The following CNTNAP2 variants were observed in gnomAD, a reference collection of about 807,000 sequenced individuals.
CNTNAP2 encodes contactin-associated protein-like 2.
A neutral mutation model predicts 155.2 loss-of-function variants in CNTNAP2; 98 were observed. The ratio of observed to expected loss-of-function variants is 0.63; its 90% CI spans 0.54 to 0.75. The LOEUF (loss-of-function observed/expected upper bound fraction) is 0.75, where lower values mean the gene tolerates loss of function less well. CNTNAP2 is among the 30% of genes least tolerant of loss of function. The probability of loss-of-function intolerance (pLI) is 0.00; values close to 1 mark genes in which losing one functional copy is unlikely to be tolerated. For synonymous variants in CNTNAP2, 651 were observed against 631.2 expected, an observed-to-expected ratio of 1.03 and a Z score of -0.47; for missense variants, 1,727 against 1,688.1, an observed-to-expected ratio of 1.02 and a Z score of -0.40.
intron 1 of CNTNAP2, among the ~76,000 whole-genome samples, chr7:146,581,451 A>C (rs1487956727): frequency 6.6e-6 from 1 of 152,148 alleles, no homozygotes; most frequent in Non-Finnish European, 1.5e-5. Context: ...TATACAAATT[A>C]GGTTTAGAAT....
At chr7:147,103,874 A>G (rs1022879926) in intron 4 of CNTNAP2, among the ~76,000 whole-genome samples, 1 of 152,098 alleles carries the variant, frequency 6.6e-6, no homozygotes, top group African/African-American at 2.4e-5. Context: ...AAGATTCTAC[A>G]AAGCACCTGG....
chr7:147,425,984 T>C (rs1342110744), intron 10 of CNTNAP2, among the ~76,000 whole-genome samples: 1 of 152,112 alleles, frequency 6.6e-6, no homozygotes, highest in Non-Finnish European at 1.5e-5. Flanking sequence ...TATAAGGATA[T>C]GTTGTATAGT....
intron 17 of CNTNAP2, 107 bp from the exon 18 acceptor site, chr7:148,172,135 A>G: frequency 9.4e-7 from 1 of 1,064,266 alleles, no homozygotes; most frequent in East Asian, 2.4e-5. Flanking sequence ...TGACAATACT[A>G]GATGTGCTAT....
chr7:147,631,654 T>C (rs1330952126), intron 12 of CNTNAP2, among the ~76,000 whole-genome samples: 1 of 152,042 alleles, frequency 6.6e-6, no homozygotes, highest in Non-Finnish European at 1.5e-5. Context: ...TGGAACAAAA[T>C]AGAGAATCCA....
At chr7:147,697,413 T>C (rs1796177709) in intron 13 of CNTNAP2, among the ~76,000 whole-genome samples, 1 of 152,170 alleles carries the variant, frequency 6.6e-6, no homozygotes, top group African/African-American at 2.4e-5. Flanking sequence ...CCAACTGTGG[T>C]TTTTTGTTTG....
At chr7:148,386,968 T>C (rs930285290) in intron 22 of CNTNAP2, among the ~76,000 whole-genome samples, 1 of 152,180 alleles carries the variant, frequency 6.6e-6, no homozygotes, top group African/African-American at 2.4e-5. Context: ...TTTGTGATAG[T>C]GCTTGTTCAT....
At chr7:147,814,717 G>A (rs1798238738) in intron 13 of CNTNAP2, among the ~76,000 whole-genome samples, 1 of 152,066 alleles carries the variant, frequency 6.6e-6, no homozygotes, top group South Asian at 2.1e-4. Flanking sequence ...TTTCAAACAA[G>A]AGGTATTTCA....
chr7:148,362,553 C>G (rs909748374), intron 21 of CNTNAP2, among the ~76,000 whole-genome samples: 8 of 152,178 alleles, frequency 5.3e-5, no homozygotes, highest in African/African-American at 1.9e-4. Context: ...GGGGGATGTT[C>G]TGCCGTGGCT....
chr7:146,258,246 A>G (rs1584831915), intron 1 of CNTNAP2, among the ~76,000 whole-genome samples: 1 of 152,314 alleles, frequency 6.6e-6, no homozygotes, highest in Non-Finnish European at 1.5e-5. Context: ...AAGTTACTAT[A>G]TAAGAAAATA....
intron 18 of CNTNAP2, among the ~76,000 whole-genome samples, chr7:148,193,333 C>T (rs1255962796): frequency 3.9e-5 from 6 of 152,202 alleles, no homozygotes. Context: ...GGACACAACC[C>T]ACGTTTTGAG....
At chr7:147,601,212 C>A (rs1453763780) in intron 12 of CNTNAP2, among the ~76,000 whole-genome samples, 1 of 152,048 alleles carries the variant, frequency 6.6e-6, no homozygotes, top group Non-Finnish European at 1.5e-5. Context: ...CACTGGCGTC[C>A]CTGTGAAGAG....
chr7:147,639,788 G>A (rs1795244127), intron 13 of CNTNAP2, among the ~76,000 whole-genome samples: 1 of 152,138 alleles, frequency 6.6e-6, no homozygotes, highest in South Asian at 2.1e-4. Flanking sequence ...CTGATTTTTT[G>A]TTTTCATGAT....
intron 4 of CNTNAP2, among the ~76,000 whole-genome samples, chr7:147,089,681 A>G (rs974367633): frequency 2.0e-5 from 3 of 152,214 alleles, no homozygotes; most frequent in African/African-American, 7.2e-5. Flanking sequence ...CAAAGTTTAC[A>G]TTGAATACAT....
chr7:147,509,092 T>C (rs73461125), intron 11 of CNTNAP2, among the ~76,000 whole-genome samples: 4,905 of 152,280 alleles, frequency 0.032, 286 homozygotes, highest in African/African-American at 0.11. Flanking sequence ...CATGCTATAA[T>C]GCTTTGTACA....
At chr7:148,067,476 A>G (rs1803289775) in intron 15 of CNTNAP2, among the ~76,000 whole-genome samples, 2 of 152,242 alleles carry the variant, frequency 1.3e-5, no homozygotes, top group African/African-American at 4.8e-5. Context: ...TCAGCCATGG[A>G]TCCCAGCACT....
chr7:146,366,463 G>A (rs372970588), intron 1 of CNTNAP2, among the ~76,000 whole-genome samples: 10 of 152,084 alleles, frequency 6.6e-5, no homozygotes, highest in African/African-American at 1.9e-4. Context: ...GGAAGAAACC[G>A]TGTGTCACAT....
chr7:147,490,569 A>G (rs1051935542), intron 11 of CNTNAP2, among the ~76,000 whole-genome samples: 1 of 152,220 alleles, frequency 6.6e-6, no homozygotes, highest in African/African-American at 2.4e-5. Context: ...AGTCATACTA[A>G]CATAGAGCAT....
chr7:146,677,309 T>C (rs1800417827), intron 1 of CNTNAP2, among the ~76,000 whole-genome samples: 1 of 152,166 alleles, frequency 6.6e-6, no homozygotes, highest in Non-Finnish European at 1.5e-5. Flanking sequence ...GAAAGGAATA[T>C]CTTGTTTGTG....
chr7:147,043,980 T>C lies in CNTNAP2; in HGVS notation c.476T>C (p.Val159Ala). 1 of 1,614,230 alleles carries C rather than the reference T, an allele frequency of 6.2e-7. No individual in the cohort carries two copies. The highest frequency in any genetic ancestry group is 2.2e-5 in the East Asian group (1 of 44,876). Residue 159 changes from valine (V) to alanine (A), a missense_variant, in exon 4 of 24, where the codon GTG becomes GCG. Val to Ala is a moderately conservative substitution (Grantham distance 64). Transcript: ENST00000361727. ...CAGCATCCGATTATTGCCCGCTATG[T>C]GCGCATAGTGCCTCTGGATTGGAAT... ...ELQHPIIARY[V>A]RIVPLDWNGE...
Sources: gnomAD v4.1 joint callset for allele counts (sites outside exome capture counted in the v4.1 genomes callset) on GRCh38, gnomAD v4.1.1 for gene constraint, MANE v1.5 for transcripts, NCBI Gene and HGNC (gene_info 2026-07-23, HGNC 2026-07-21) for gene names.